Variants in ASAP1 observed in about 807,000 individuals in gnomAD.
The protein encoded by ASAP1 is arf-GAP with SH3 domain, ANK repeat and PH domain-containing protein 1.
ASAP1 carries 43 observed loss-of-function variants against 145.2 expected under a neutral mutation model. The observed-to-expected ratio is 0.30, with a 90% CI of 0.23 to 0.38. The LOEUF (loss-of-function observed/expected upper bound fraction) is 0.38. Among genes scored for constraint, ASAP1 ranks in the 10% least tolerant of loss-of-function variants. The pLI is 1.00. For synonymous variants in ASAP1, 546 were observed against 515.5 expected (o/e 1.06, Z -0.80); for missense variants, 1,018 against 1,355.3 (o/e 0.75, Z 3.91).
At chr8:130,201,143 T>A (rs541206321) in intron 5 of ASAP1, among the ~76,000 whole-genome samples, 10 of 152,270 alleles carry the variant, frequency 6.6e-5, no homozygotes, top group African/African-American at 2.4e-4. Flanking sequence ...AGATCAAGTG[T>A]GAGAACCACT....
intron 1 of ASAP1, among the ~76,000 whole-genome samples, chr8:130,419,472 A>G (rs564654558): frequency 6.6e-6 from 1 of 152,292 alleles, no homozygotes; most frequent in African/African-American, 2.4e-5. Flanking sequence ...GTGAAGCTAA[A>G]AACGGCTGCA....
At chr8:130,116,828 A>G (rs2135634632) in intron 21 of ASAP1, 52 bp downstream of exon 21, 1 of 1,567,606 alleles carries the variant, frequency 6.4e-7, no homozygotes, top group African/African-American at 1.4e-5. Flanking sequence ...ATTACAATGT[A>G]CCATGCAACA....
intron 2 of ASAP1, among the ~76,000 whole-genome samples, chr8:130,398,482 G>A (rs1021050741): frequency 2.6e-5 from 4 of 152,192 alleles, no homozygotes; most frequent in African/African-American, 7.2e-5. Context: ...GACAGTAGAA[G>A]CAGTAGTGGT....
chr8:130,412,507 C>A (rs1829309605), intron 1 of ASAP1, among the ~76,000 whole-genome samples: 1 of 152,066 alleles, frequency 6.6e-6, no homozygotes. Context: ...CAGATGCCAG[C>A]ATCATGCTTC....
intron 14 of ASAP1, 74 bp from the exon 15 acceptor site, chr8:130,134,418 T>C: frequency 3.2e-6 from 3 of 942,702 alleles, no homozygotes; most frequent in Non-Finnish European, 4.6e-6. Context: ...CAGATTTAAG[T>C]TCCTGGGAAG....
intron 3 of ASAP1, among the ~76,000 whole-genome samples, chr8:130,240,280 G>A (rs1375907205): frequency 2.0e-5 from 3 of 152,056 alleles, no homozygotes; most frequent in African/African-American, 7.2e-5. Context: ...GACAGCTACA[G>A]TCAGGTAAGT....
At chr8:130,353,921 C>G (rs1207180799) in intron 3 of ASAP1, among the ~76,000 whole-genome samples, 5 of 151,888 alleles carry the variant, frequency 3.3e-5, no homozygotes, top group Admixed American at 6.6e-5. Flanking sequence ...GAGTCTTGCT[C>G]TGTCGCCCAG....
chr8:130,099,902 T>C (rs969772323), intron 24 of ASAP1, among the ~76,000 whole-genome samples: 3 of 152,166 alleles, frequency 2.0e-5, no homozygotes, highest in African/African-American at 4.8e-5. Flanking sequence ...ATTTTCTTCA[T>C]CCATTCACCT....
intron 1 of ASAP1, among the ~76,000 whole-genome samples, chr8:130,408,342 T>C (rs1169967294): frequency 6.6e-6 from 1 of 152,188 alleles, no homozygotes; most frequent in African/African-American, 2.4e-5. Flanking sequence ...GTGGGCATCA[T>C]CCAATCCATT....
intron 3 of ASAP1, among the ~76,000 whole-genome samples, chr8:130,333,248 C>T (rs1298303680): frequency 3.3e-5 from 5 of 152,320 alleles, no homozygotes; most frequent in Admixed American, 2.6e-4. Context: ...CATGTTTTAA[C>T]TCTAATCATC....
chr8:130,149,635 T>A (rs1422242848), intron 13 of ASAP1, among the ~76,000 whole-genome samples: 1 of 152,214 alleles, frequency 6.6e-6, no homozygotes, highest in African/African-American at 2.4e-5. Context: ...CCAAAGAATT[T>A]CCATGTGTCC....
rs1385770549 is a variant in ASAP1 at position 130,358,289 on chromosome 8, C to T, written c.60-146G>A. The T allele has an allele frequency of 5.9e-6, 3 of 507,990 alleles. No homozygotes were observed. The highest frequency in any genetic ancestry group is 7.9e-6 in the Non-Finnish European group (3 of 378,766). The allele number at this position is 507,990 out of a possible 1,614,324, so 31.5% of individuals were successfully genotyped here. A position where few individuals can be genotyped will look rare whatever the true frequency, so the allele number is the denominator to read the frequency against. On this transcript the variant is annotated intron_variant, in intron 2 of 29. Transcript: ENST00000518721. This position sits in a 1 kb window ranked among gnomAD's most constrained non-coding sequence, Gnocchi z 4.1. ...CCTGGCGCGCGGCTCCCGTCCCCGG[C>T]AGCGGCGAGAGGGAGGGAAGGAGGC...
intron 3 of ASAP1, among the ~76,000 whole-genome samples, chr8:130,298,444 G>C (rs1822420616): frequency 6.6e-6 from 1 of 152,014 alleles, no homozygotes; most frequent in Non-Finnish European, 1.5e-5. Context: ...TCTCCTCTTC[G>C]AGGCCAGGCC....
intron 4 of ASAP1, among the ~76,000 whole-genome samples, chr8:130,228,633 C>T (rs1278998744): frequency 1.5e-4 from 23 of 148,912 alleles, no homozygotes; most frequent in Admixed American, 6.8e-5. Context: ...TCCAGGATGG[C>T]GAGGCTGAAG....
chr8:130,373,849 G>GAAAAAAAA (rs1170269915), intron 2 of ASAP1, among the ~76,000 whole-genome samples: 6 of 50,890 alleles, frequency 1.2e-4, no homozygotes, highest in African/African-American at 3.1e-4. Flanking sequence ...GGAGTCTCCA[G>GAAAAAAAA]AAAAAAAAAA....
At chr8:130,174,942 A>G (rs1813851031) in intron 9 of ASAP1, among the ~76,000 whole-genome samples, 1 of 152,256 alleles carries the variant, frequency 6.6e-6, no homozygotes, top group Non-Finnish European at 1.5e-5. Context: ...TATTGTAAAT[A>G]ACGCTGTTAT....
intron 4 of ASAP1, among the ~76,000 whole-genome samples, chr8:130,231,862 G>A (rs1373794555): frequency 2.0e-5 from 3 of 152,244 alleles, no homozygotes; most frequent in South Asian, 2.1e-4. Flanking sequence ...CCTGACTTAC[G>A]TGCATTCACA....
At chr8:130,343,193 C>T (rs1586868775) in intron 3 of ASAP1, among the ~76,000 whole-genome samples, 1 of 152,088 alleles carries the variant, frequency 6.6e-6, no homozygotes, top group East Asian at 1.9e-4. Flanking sequence ...AAGAGAGAGG[C>T]CTTAACAAAC....
In ASAP1 at chr8:130,162,069, G is replaced by C. The variant is rs554708991; in HGVS notation, c.910-2105C>G. 2.0e-5 allele frequency among the ~76,000 whole-genome samples: 3 copies of C among 152,236 alleles called. No individual in the cohort carries two copies. In the East Asian group the frequency reaches 5.8e-4, roughly 29 times the overall value. On this transcript the variant is annotated intron_variant, in intron 11 of 29. Transcript: ENST00000518721. ...CCTACTTTGGCCTTCCGAGGTGCTG[G>C]GATTACAGGTGTGAGCACCATGCTC...
Sources: gnomAD v4.1 joint callset for allele counts (sites outside exome capture counted in the v4.1 genomes callset) on GRCh38, gnomAD v4.1.1 for gene constraint, Gnocchi (gnomAD v3.1) non-coding constraint, MANE v1.5 for transcripts, NCBI Gene and HGNC (gene_info 2026-07-23, HGNC 2026-07-21) for gene names.